The following PTPN3 variants were observed in gnomAD, a reference collection of about 807,000 sequenced individuals.
PTPN3 encodes the protein protein tyrosine phosphatase non-receptor type 3.
A neutral mutation model predicts 132.7 loss-of-function variants in PTPN3; 96 were observed. The ratio of observed to expected loss-of-function variants is 0.72; its 90% CI spans 0.61 to 0.86. PTPN3 has a LOEUF of 0.86. Among genes scored for constraint, PTPN3 ranks in the 40% least tolerant of loss-of-function variants. The probability of loss-of-function intolerance (pLI) is 0.00; values close to 1 mark genes in which losing one functional copy is unlikely to be tolerated. For synonymous variants in PTPN3, 398 were observed against 429.0 expected, an observed-to-expected ratio of 0.93 and a Z score of 0.89; for missense variants, 1,125 against 1,159.6, an observed-to-expected ratio of 0.97 and a Z score of 0.43.
chr9:109,410,022 C>T lies in PTPN3; in HGVS notation c.1555G>A (p.Gly519Arg), dbSNP rs1841949623. 6.2e-7 allele frequency: 1 copy of T among 1,614,182 alleles called. No individual in the cohort carries two copies. Among genetic ancestry groups the T allele is most frequent in the East Asian group, 2.2e-5 (1 of 44,886 alleles). ...ACCTTAAGATTAAATCCAAATTTTC[C>T]ATCTTCATCTGGTGTGATACGGATC... ...VLIRITPDED[G>R]KFGFNLKGGV... Residue 519 changes from glycine to arginine, a missense_variant, in exon 16 of 26, where the codon GGA becomes AGA. Coordinates refer to ENST00000374541, the MANE Select transcript of PTPN3 (RefSeq NM_002829.4).
chr9:109,420,292 G>T, intron 14 of PTPN3, 132 bp downstream of exon 14: 1 of 904,446 alleles, frequency 1.1e-6, no homozygotes, highest in Non-Finnish European at 1.6e-6. Flanking sequence ...TCTTATCCTG[G>T]CAGAAGGCAC....
intron 1 of PTPN3, among the ~76,000 whole-genome samples, chr9:109,488,566 C>T (rs1012239490): frequency 1.3e-5 from 2 of 152,208 alleles, no homozygotes; most frequent in African/African-American, 4.8e-5. Context: ...CACGACTGCA[C>T]TGGACAGTGT....
chr9:109,513,429 G>A, the PTPN3 span, among the ~76,000 whole-genome samples: 7 of 152,060 alleles, frequency 4.6e-5, no homozygotes, highest in Non-Finnish European at 7.4e-5. Flanking sequence ...CCCCTGTTAC[G>A]AGCTCCCCTA....
chr9:109,452,883 C>T (rs1317105416), intron 5 of PTPN3, among the ~76,000 whole-genome samples: 2 of 152,250 alleles, frequency 1.3e-5, no homozygotes, highest in Admixed American at 6.5e-5. Context: ...TTATTTAGTA[C>T]TGGCCTGAGG....
At chr9:109,506,973 G>A in the PTPN3 span, among the ~76,000 whole-genome samples, 1 of 152,202 alleles carries the variant, frequency 6.6e-6, no homozygotes, top group Non-Finnish European at 1.5e-5. Flanking sequence ...AAGTAATGAA[G>A]CATGCCTAAT....
intron 14 of PTPN3, among the ~76,000 whole-genome samples, chr9:109,417,097 G>A (rs937003853): frequency 6.6e-6 from 1 of 152,222 alleles, no homozygotes; most frequent in Non-Finnish European, 1.5e-5. Context: ...TCATTCGGAA[G>A]CAGGGAAAGG....
intron 1 of PTPN3, among the ~76,000 whole-genome samples, chr9:109,484,100 A>T (rs925022398): frequency 1.3e-5 from 2 of 152,160 alleles, no homozygotes; most frequent in Admixed American, 6.5e-5. Flanking sequence ...AGTGAACTAA[A>T]GCCAACCTCT....
rs1838803087 is a variant in PTPN3 at position 109,379,075 on chromosome 9, T to A, written c.*481A>T. 6.5e-6 allele frequency: 1 copy of A among 154,668 alleles called. No individual in the cohort carries two copies. Among genetic ancestry groups the A allele is most frequent in the East Asian group, 1.9e-4 (1 of 5,266 alleles). 9.6% of individuals were successfully genotyped at this position (154,668 alleles called of 1,614,324 possible). A position where few individuals can be genotyped will look rare whatever the true frequency, so the allele number is the denominator to read the frequency against. ...TCTAGTACATACGTCAGGGTTTCCT[T>A]AGCATCAGGGCGGGTGAATCTGAAT... On this transcript the variant is annotated 3_prime_UTR_variant, in exon 26 of 26. Coordinates refer to ENST00000374541, the MANE Select transcript of PTPN3 (RefSeq NM_002829.4).
At chr9:109,388,477 C>CA (rs1398872145) in intron 22 of PTPN3, among the ~76,000 whole-genome samples, 1 of 152,162 alleles carries the variant, frequency 6.6e-6, no homozygotes, top group Admixed American at 6.5e-5. Flanking sequence ...ACAAACCCTC[C>CA]AGGTCACAAT....
the PTPN3 span, among the ~76,000 whole-genome samples, chr9:109,513,889 A>T: frequency 6.6e-6 from 1 of 152,112 alleles, no homozygotes; most frequent in Admixed American, 6.5e-5. Flanking sequence ...GCTAATTAAG[A>T]TATTAATGAG....
At chr9:109,419,629 A>G (rs1842755498) in intron 14 of PTPN3, among the ~76,000 whole-genome samples, 1 of 152,212 alleles carries the variant, frequency 6.6e-6, no homozygotes. Context: ...AAGAAAAAAA[A>G]GACCCATATA....
At chr9:109,417,663 C>G in intron 14 of PTPN3, 1 of 985,326 alleles carries the variant, frequency 1.0e-6, no homozygotes, top group Non-Finnish European at 1.2e-6. Flanking sequence ...TGGCTTCCCA[C>G]CGGCAGGAAG....
chr9:109,466,401 G>A (rs1021805896), intron 1 of PTPN3, among the ~76,000 whole-genome samples: 17 of 152,216 alleles, frequency 1.1e-4, no homozygotes, highest in African/African-American at 3.9e-4. Context: ...TACTCTGGAG[G>A]CCAAGGTGGG....
intron 2 of PTPN3, among the ~76,000 whole-genome samples, chr9:109,458,331 C>T (rs1322317898): frequency 6.6e-6 from 1 of 152,142 alleles, no homozygotes; most frequent in Admixed American, 6.5e-5. Flanking sequence ...TCAGATGGCC[C>T]GGCACAAAGG....
At chr9:109,510,329 C>A in the PTPN3 span, among the ~76,000 whole-genome samples, 1 of 151,622 alleles carries the variant, frequency 6.6e-6, no homozygotes, top group Non-Finnish European at 1.5e-5. Flanking sequence ...GAGGCCAAGG[C>A]GGGCAGATCA....
At chr9:109,422,943 G>C (rs1842985806) in intron 12 of PTPN3, 91 bp from the exon 13 acceptor site, 2 of 1,478,434 alleles carry the variant, frequency 1.4e-6, no homozygotes, top group African/African-American at 2.8e-5. Context: ...CATGCTTCTT[G>C]TCTGAAGGAC....
the PTPN3 span, among the ~76,000 whole-genome samples, chr9:109,535,507 C>CT: frequency 0.067 from 10,083 of 149,790 alleles, 496 homozygotes; most frequent in East Asian, 0.23. Context: ...TACACATCCT[C>CT]TTTTTTTTTT....
chr9:109,523,618 C>T, the PTPN3 span, among the ~76,000 whole-genome samples: 19 of 152,262 alleles, frequency 1.2e-4, no homozygotes, highest in Non-Finnish European at 2.5e-4. Flanking sequence ...TTCTTTATGG[C>T]TCTTGTTGCT....
At chr9:109,511,025 T>A in the PTPN3 span, among the ~76,000 whole-genome samples, 2 of 152,104 alleles carry the variant, frequency 1.3e-5, no homozygotes, top group Non-Finnish European at 2.9e-5. Context: ...ACACAAAACT[T>A]TAACTTTGCT....
Sources: gnomAD v4.1 joint callset for allele counts (sites outside exome capture counted in the v4.1 genomes callset) on GRCh38, gnomAD v4.1.1 for gene constraint, MANE v1.5 for transcripts, NCBI Gene and HGNC (gene_info 2026-07-23, HGNC 2026-07-21) for gene names.